KAT6A: variants seen among roughly 807,000 people sequenced by gnomAD.
KAT6A encodes histone acetyltransferase KAT6A.
KAT6A carries 9 observed loss-of-function variants against 198.4 expected under a neutral mutation model. The observed-to-expected ratio is 0.05, with a 90% CI of 0.03 to 0.08. The LOEUF is 0.08. Among genes scored for constraint, KAT6A ranks in the 10% least tolerant of loss-of-function variants. KAT6A has a pLI of 1.00. For missense variants in KAT6A, 2,077 were observed against 2,509.9 expected, an observed-to-expected ratio of 0.83 and a Z score of 3.69; for synonymous variants, 890 against 883.0, an observed-to-expected ratio of 1.01 and a Z score of -0.14.
chr8:42,009,716 T>G (rs1825919971), intron 2 of KAT6A, among the ~76,000 whole-genome samples: 1 of 151,286 alleles, frequency 6.6e-6, no homozygotes, highest in South Asian at 2.1e-4. Flanking sequence ...CTGGGAAACA[T>G]ATGAAGACCT....
At chr8:42,016,601 A>G (rs1289445609) in intron 2 of KAT6A, among the ~76,000 whole-genome samples, 1 of 152,210 alleles carries the variant, frequency 6.6e-6, no homozygotes, top group African/African-American at 2.4e-5. Flanking sequence ...TAATATCCAT[A>G]AAATAAGGGT....
chr8:41,947,249 T>G (rs1822445166), intron 11 of KAT6A, among the ~76,000 whole-genome samples: 1 of 152,226 alleles, frequency 6.6e-6, no homozygotes. Context: ...CCTAACTGTT[T>G]TATACACTTG....
intron 2 of KAT6A, among the ~76,000 whole-genome samples, chr8:42,005,784 A>T (rs1410144332): frequency 1.4e-5 from 2 of 141,360 alleles, no homozygotes; most frequent in East Asian, 4.0e-4. Flanking sequence ...ACACACACAC[A>T]CACACACACA....
chr8:41,997,227 G>C (rs1214814205), intron 2 of KAT6A, among the ~76,000 whole-genome samples: 1 of 152,108 alleles, frequency 6.6e-6, no homozygotes, highest in Non-Finnish European at 1.5e-5. Context: ...AATTAGTATA[G>C]ATTTTTCATA....
chr8:42,025,811 T>C (rs941782398), intron 2 of KAT6A, among the ~76,000 whole-genome samples: 1 of 152,236 alleles, frequency 6.6e-6, no homozygotes, highest in Non-Finnish European at 1.5e-5. Flanking sequence ...TTTCGAGGTC[T>C]TAACCATAAA....
At chr8:41,970,279 C>T (rs1014600060) in intron 8 of KAT6A, among the ~76,000 whole-genome samples, 2 of 152,176 alleles carry the variant, frequency 1.3e-5, no homozygotes, top group African/African-American at 2.4e-5. Context: ...AACTAGACTT[C>T]CAAGATCTAG....
At chr8:41,964,647 A>C (rs1369948090) in intron 8 of KAT6A, among the ~76,000 whole-genome samples, 1 of 136,230 alleles carries the variant, frequency 7.3e-6, no homozygotes, top group Non-Finnish European at 1.6e-5. Context: ...AAAAAAAAAA[A>C]TCAAAATCCA....
At chr8:42,025,090 T>C (rs1406459503) in intron 2 of KAT6A, among the ~76,000 whole-genome samples, 1 of 152,204 alleles carries the variant, frequency 6.6e-6, no homozygotes, top group African/African-American at 2.4e-5. Context: ...CTTTTCTCCC[T>C]ATCCTCACCA....
At chr8:41,945,913 C>T (rs1456359634) in intron 12 of KAT6A, among the ~76,000 whole-genome samples, 1 of 151,718 alleles carries the variant, frequency 6.6e-6, no homozygotes, top group Non-Finnish European at 1.5e-5. Flanking sequence ...GCCTGTAGTC[C>T]CAGCTACTCG....
At chr8:42,006,995 CAA>C (rs10701182) in intron 2 of KAT6A, among the ~76,000 whole-genome samples, 6 of 88,182 alleles carry the variant, frequency 6.8e-5, no homozygotes, top group Admixed American at 1.4e-4. Flanking sequence ...GACTCCATCT[CAA>C]AAAAAAAAAA....
At chr8:41,955,562 GTT>G (rs1392406211) in intron 8 of KAT6A, 151 bp from the exon 9 acceptor site, 2 of 580,422 alleles carry the variant, frequency 3.4e-6, no homozygotes, top group Non-Finnish European at 6.0e-6. Flanking sequence ...TTTGAAATAA[GTT>G]ATATTATTCC....
intron 2 of KAT6A, among the ~76,000 whole-genome samples, chr8:42,007,140 G>A (rs1825790552): frequency 6.6e-6 from 1 of 151,994 alleles, no homozygotes; most frequent in Non-Finnish European, 1.5e-5. Flanking sequence ...ACCGTGTGCT[G>A]AAATCAGGAG....
Position 41,931,574 on chromosome 8 carries a change from G to T in KAT6A, c.*631C>A. 4.9e-6 allele frequency: 1 copy of T among 203,250 alleles called. No individual in the cohort carries two copies. Among genetic ancestry groups the T allele is most frequent in the East Asian group, 7.5e-5 (1 of 13,372 alleles). The allele number at this position is 203,250 out of a possible 1,614,324, so 12.6% of individuals were successfully genotyped here. ...GGGAAGGGTTTCAAGAGGTGTGTGTGTGTGAGGAGTGGAGGGGATTTTAAA... is the reference window on the plus strand; with the variant it reads ...GGGAAGGGTTTCAAGAGGTGTGTGTTTGTGAGGAGTGGAGGGGATTTTAAA... On this transcript the variant is annotated 3_prime_UTR_variant, in exon 17 of 17. Transcript: ENST00000265713.
intron 11 of KAT6A, 60 bp from the exon 12 acceptor site, chr8:41,946,744 G>A: frequency 3.0e-6 from 3 of 1,005,618 alleles, no homozygotes; most frequent in Middle Eastern, 2.0e-4. Context: ...ATAATAACGT[G>A]AATTAAGAAA....
Position 42,049,031 on chromosome 8 carries a change from T to A in KAT6A, c.-54A>T. 6.5e-7 allele frequency: 1 copy of A among 1,540,544 alleles called. No homozygotes were observed. Among genetic ancestry groups the A allele is most frequent in the South Asian group, 1.2e-5 (1 of 81,266 alleles). Reference sequence around the variant, plus strand: ...CGTTATCCCTTATCCTGATGCTGAGTAAGTTTTACACCATGGAAAACAAGA... The same window carrying A: ...CGTTATCCCTTATCCTGATGCTGAGAAAGTTTTACACCATGGAAAACAAGA... On this transcript the variant is annotated 5_prime_UTR_variant, in exon 2 of 17. Coordinates refer to ENST00000265713, the MANE Select transcript of KAT6A (RefSeq NM_006766.5).
intron 2 of KAT6A, among the ~76,000 whole-genome samples, chr8:42,039,936 A>G (rs1827565994): frequency 6.7e-6 from 1 of 150,078 alleles, no homozygotes; most frequent in African/African-American, 2.5e-5. Context: ...TTTAGTGGAG[A>G]CGGGCTTTCA....
intron 2 of KAT6A, among the ~76,000 whole-genome samples, chr8:42,004,395 C>T (rs886320624): frequency 1.3e-5 from 2 of 152,036 alleles, no homozygotes; most frequent in Admixed American, 6.6e-5. Flanking sequence ...AAGCAAAGCC[C>T]TTTTTTTAGA....
At chr8:41,999,916 T>C (rs1458948188) in intron 2 of KAT6A, among the ~76,000 whole-genome samples, 4 of 152,250 alleles carry the variant, frequency 2.6e-5, no homozygotes, top group African/African-American at 4.8e-5. Flanking sequence ...GTAATTCAAA[T>C]GTAAGAAACA....
intron 2 of KAT6A, among the ~76,000 whole-genome samples, chr8:42,043,063 T>C (rs771797489): frequency 6.6e-6 from 1 of 152,200 alleles, no homozygotes; most frequent in Non-Finnish European, 1.5e-5. Context: ...AAAATAATAA[T>C]GTAAAAAAAT....
Sources: gnomAD v4.1 joint callset for allele counts (sites outside exome capture counted in the v4.1 genomes callset) on GRCh38, gnomAD v4.1.1 for gene constraint, MANE v1.5 for transcripts, NCBI Gene and HGNC (gene_info 2026-07-23, HGNC 2026-07-21) for gene names.